ATXN7L1: variants seen among roughly 807,000 people sequenced by gnomAD.
The protein encoded by ATXN7L1 is ataxin-7-like protein 1.
A neutral mutation model predicts 70.8 loss-of-function variants in ATXN7L1; 15 were observed. The ratio of observed to expected loss-of-function variants is 0.21; its 90% CI spans 0.14 to 0.33. ATXN7L1 has a LOEUF of 0.33. ATXN7L1 is among the 10% of genes least tolerant of loss of function. The pLI, the probability that ATXN7L1 is intolerant of heterozygous loss-of-function variation, is 1.00. For missense variants in ATXN7L1, 975 were observed against 1,097.1 expected, an observed-to-expected ratio of 0.89 and a Z score of 1.57; for synonymous variants, 440 against 445.1, an observed-to-expected ratio of 0.99 and a Z score of 0.14.
intron 3 of ATXN7L1, among the ~76,000 whole-genome samples, chr7:105,762,579 G>A (rs1042035539): frequency 1.3e-5 from 2 of 152,090 alleles, no homozygotes; most frequent in African/African-American, 4.8e-5. Context: ...CCTTTCTTCA[G>A]CCCAATCAGG....
At chr7:105,804,692 C>T (rs1807305915) in intron 2 of ATXN7L1, among the ~76,000 whole-genome samples, 1 of 152,128 alleles carries the variant, frequency 6.6e-6, no homozygotes, top group Non-Finnish European at 1.5e-5. Context: ...GTATTTACTC[C>T]ACGTTAGGTA....
At chr7:105,670,546 A>G (rs553857212) in intron 3 of ATXN7L1, among the ~76,000 whole-genome samples, 1 of 152,324 alleles carries the variant, frequency 6.6e-6, no homozygotes, top group African/African-American at 2.4e-5. Flanking sequence ...AACATTCTAC[A>G]TATACGTATC....
rs536533509 is a variant in ATXN7L1, at chr7:105,860,065, G to A, written c.250+15747C>T. 6.8e-5 allele frequency among the ~76,000 whole-genome samples: 10 copies of A among 146,842 alleles called. No homozygotes were observed. The South Asian group carries it at 2.1e-3, about 32-fold the overall frequency. On this transcript the variant is annotated intron_variant, in intron 2 of 11. Transcript: ENST00000419735. ...CCAAAGGCTGGGATTACAGGCATGAGTCACGATGCCTGGCCTGTATATTTC... is the reference window on the plus strand; with the variant it reads ...CCAAAGGCTGGGATTACAGGCATGAATCACGATGCCTGGCCTGTATATTTC...
In ATXN7L1 at chr7:105,745,283, G is replaced by A. The variant is rs147835960; in HGVS notation, c.355+43321C>T. 3.3e-5 allele frequency among the ~76,000 whole-genome samples: 5 copies of A among 152,178 alleles called. No individual in the cohort carries two copies. In the East Asian group the frequency reaches 9.7e-4, roughly 29 times the overall value. On this transcript the variant is annotated intron_variant, in intron 3 of 11. Transcript: ENST00000419735. ...ATCTGTATAGATACACATATATATAGGGGAGGGGGTGGACAGTTTTTGCAA... is the reference window on the plus strand; with the variant it reads ...ATCTGTATAGATACACATATATATAAGGGAGGGGGTGGACAGTTTTTGCAA...
chr7:105,788,383 G>A (rs1804634585), intron 3 of ATXN7L1: 1 of 533,462 alleles, frequency 1.9e-6, no homozygotes, highest in African/African-American at 1.9e-5. Context: ...GAGACAAGTT[G>A]CAGGTTTTCT....
At chr7:105,814,358 GTGATGA>G (rs1204510263) in intron 2 of ATXN7L1, among the ~76,000 whole-genome samples, 2 of 152,032 alleles carry the variant, frequency 1.3e-5, no homozygotes, top group African/African-American at 4.8e-5. Context: ...AATGATGATG[GTGATGA>G]TGATGATGAA....
At chr7:105,833,689 CAAA>C (rs1207497122) in intron 2 of ATXN7L1, among the ~76,000 whole-genome samples, 3 of 151,996 alleles carry the variant, frequency 2.0e-5, no homozygotes, top group Admixed American at 1.3e-4. Flanking sequence ...TTCCTCAAAA[CAAA>C]AAACCAAATA....
At chr7:105,633,874 A>C (rs1000462240) in intron 7 of ATXN7L1, among the ~76,000 whole-genome samples, 8 of 152,202 alleles carry the variant, frequency 5.3e-5, no homozygotes, top group Non-Finnish European at 1.0e-4. Context: ...GCTCTAGCCC[A>C]CAAAACTGGC....
intron 2 of ATXN7L1, among the ~76,000 whole-genome samples, chr7:105,798,909 A>AT (rs1423456714): frequency 3.3e-5 from 5 of 152,262 alleles, no homozygotes; most frequent in African/African-American, 1.2e-4. Flanking sequence ...AAAACGCTGT[A>AT]TTAAGGGCTC....
At chr7:105,842,455 A>G (rs1813369215) in intron 2 of ATXN7L1, among the ~76,000 whole-genome samples, 1 of 152,182 alleles carries the variant, frequency 6.6e-6, no homozygotes, top group African/African-American at 2.4e-5. Flanking sequence ...ATATGCATGG[A>G]ATCATCCAAT....
intron 3 of ATXN7L1, among the ~76,000 whole-genome samples, chr7:105,747,467 C>T (rs1007259062): frequency 2.0e-5 from 3 of 152,304 alleles, no homozygotes; most frequent in African/African-American, 4.8e-5. Flanking sequence ...CAGACCTTGC[C>T]TTATGTATCT....
rs887677216 is a variant in ATXN7L1, at chr7:105,769,789, T to C, written c.355+18815A>G. Among the ~76,000 whole-genome samples, 5 of 152,278 alleles carry C rather than the reference T, an allele frequency of 3.3e-5. No individual in the cohort carries two copies. The South Asian group carries it at 1.0e-3, about 32-fold the overall frequency. ...GGATTTATAGCCTGGGCATTTTCTT[T>C]TACCTTTTTGTCTCCTTAGTTTCAA... On this transcript the variant is annotated intron_variant, in intron 3 of 11. Transcript: ENST00000419735.
chr7:105,656,013 G>A (rs769017728), intron 4 of ATXN7L1, among the ~76,000 whole-genome samples: 1 of 152,218 alleles, frequency 6.6e-6, no homozygotes. Flanking sequence ...CACACGTGTG[G>A]GTTGATAAGG....
intron 2 of ATXN7L1, among the ~76,000 whole-genome samples, chr7:105,817,588 A>G (rs745876745): frequency 1.3e-5 from 2 of 152,162 alleles, no homozygotes; most frequent in Admixed American, 6.5e-5. Flanking sequence ...CCTACCCCCA[A>G]GAAACAGAAG....
intron 2 of ATXN7L1, among the ~76,000 whole-genome samples, chr7:105,858,195 C>A (rs932800989): frequency 6.6e-6 from 1 of 152,104 alleles, no homozygotes; most frequent in African/African-American, 2.4e-5. Context: ...CATGCCACTG[C>A]ACTTCAGCCT....
intron 2 of ATXN7L1, among the ~76,000 whole-genome samples, chr7:105,852,592 A>G (rs1257246609): frequency 2.6e-5 from 4 of 151,962 alleles, no homozygotes; most frequent in Non-Finnish European, 5.9e-5. Flanking sequence ...TCGGCCAGCA[A>G]TCCTGCACAG....
At chr7:105,683,300 G>A (rs909296568) in intron 3 of ATXN7L1, among the ~76,000 whole-genome samples, 1 of 152,172 alleles carries the variant, frequency 6.6e-6, no homozygotes, top group African/African-American at 2.4e-5. Context: ...TTTACGTATT[G>A]ATACTGAAGA....
intron 2 of ATXN7L1, among the ~76,000 whole-genome samples, chr7:105,859,369 T>C (rs576264205): frequency 6.6e-6 from 1 of 152,210 alleles, no homozygotes; most frequent in Admixed American, 6.5e-5. Flanking sequence ...ATAACTTATT[T>C]TCAAATGCTA....
In ATXN7L1 at chr7:105,621,580, A is replaced by T. The variant is rs148782892; in HGVS notation, c.1396-1259T>A. Among the ~76,000 whole-genome samples, 1,195 of 152,354 alleles carry T rather than the reference A, an allele frequency of 7.8e-3. 15 individuals carry two copies. Among genetic ancestry groups the T allele is most frequent in the Non-Finnish European group, 0.012 (796 of 68,040 alleles). ...TAAAATATGTGGATGAAATATTGGC[A>T]TTCAGATGTTTAATAAACATTTGAT... On this transcript the variant is annotated intron_variant, in intron 8 of 11. Transcript: ENST00000419735.
Sources: allele counts gnomAD v4.1 joint callset (sites outside exome capture counted in the v4.1 genomes callset), GRCh38; gene constraint gnomAD v4.1.1; transcripts MANE v1.5; gene names NCBI Gene and HGNC (gene_info 2026-07-23, HGNC 2026-07-21).